The following HHAT variants were observed in gnomAD, a reference collection of about 807,000 sequenced individuals.
HHAT encodes hedgehog acyltransferase.
In HHAT, 47 loss-of-function variants were observed where a neutral mutation model predicts 70.8. The ratio of observed to expected loss-of-function variants is 0.66; its 90% CI spans 0.53 to 0.85. The LOEUF (loss-of-function observed/expected upper bound fraction) is 0.85, where lower values mean the gene tolerates loss of function less well. Ranked by LOEUF, HHAT falls within the 40% of genes least tolerant of loss-of-function variation. The pLI is 0.00. For missense variants in HHAT, 609 were observed against 604.8 expected, an observed-to-expected ratio of 1.01 and a Z score of -0.07; for synonymous variants, 228 against 247.6, an observed-to-expected ratio of 0.92 and a Z score of 0.74.
chr1:210,512,918 C>T (rs2094984668), intron 8 of HHAT, among the ~76,000 whole-genome samples: 1 of 152,020 alleles, frequency 6.6e-6, no homozygotes, highest in African/African-American at 2.4e-5. Context: ...AGTTTAATTG[C>T]CGGGCTCCTT....
rs369880562 is a variant in HHAT, at chr1:210,461,113, A to C, written c.857-3392A>C. ...AATATTTTTGAGCATAACAAAAGCT[A>C]GTTCAATTTGTCACATAACTTGCAA... On this transcript the variant is annotated intron_variant, in intron 7 of 11. Coordinates refer to ENST00000261458, the MANE Select transcript of HHAT (RefSeq NM_018194.6). 8.5e-5 allele frequency among the ~76,000 whole-genome samples: 13 copies of C among 152,366 alleles called. No individual in the cohort carries two copies. The East Asian group carries it at 1.7e-3, about 20-fold the overall frequency.
intron 11 of HHAT, among the ~76,000 whole-genome samples, chr1:210,632,001 C>G (rs761450054): frequency 1.3e-5 from 2 of 152,202 alleles, no homozygotes; most frequent in Non-Finnish European, 2.9e-5. Flanking sequence ...GTCAGAGCTT[C>G]CAGCTGACAC....
At chr1:210,341,698 A>C (rs2086053840) in intron 1 of HHAT, among the ~76,000 whole-genome samples, 1 of 152,358 alleles carries the variant, frequency 6.6e-6, no homozygotes, top group African/African-American at 2.4e-5. Context: ...TGCAAATGCA[A>C]GTGGCTCCAG....
intron 10 of HHAT, among the ~76,000 whole-genome samples, chr1:210,616,566 C>T (rs1200398159): frequency 3.3e-5 from 5 of 152,162 alleles, no homozygotes; most frequent in African/African-American, 1.2e-4. Context: ...TAGTGGGATA[C>T]ATGCACGACA....
In HHAT at chr1:210,418,134, C is replaced by G; in HGVS notation, c.685-20C>G. 6.2e-7 allele frequency: 1 copy of G among 1,613,472 alleles called. No homozygotes were observed. Among genetic ancestry groups the G allele is most frequent in the Non-Finnish European group, 8.5e-7 (1 of 1,179,522 alleles). On this transcript the variant is annotated intron_variant, in intron 6 of 11. Transcript: ENST00000261458. ...AGGAATCAAGGCACCATCGAATGAC[C>G]TCTTTTGTTTCCACTTTAGATGCAG...
chr1:210,662,746 C>T (rs116223069), intron 11 of HHAT, among the ~76,000 whole-genome samples: 1,736 of 152,050 alleles, frequency 0.011, 43 homozygotes, highest in African/African-American at 0.04. Context: ...CCACTCCCTG[C>T]ATTTCAGGTG....
intron 3 of HHAT, chr1:210,374,155 T>C (rs1162996318): frequency 6.6e-6 from 1 of 152,220 alleles, no homozygotes; most frequent in Non-Finnish European, 1.5e-5. Flanking sequence ...AAACATGATC[T>C]GCCTCCCCAG....
intron 9 of HHAT, among the ~76,000 whole-genome samples, chr1:210,543,944 T>C (rs2069155): frequency 0.07 from 10,686 of 152,186 alleles, 701 homozygotes; most frequent in East Asian, 0.3. Flanking sequence ...ATAATCTAGA[T>C]AGCTGAAGCA....
At chr1:210,481,801 A>G (rs932177436) in intron 8 of HHAT, among the ~76,000 whole-genome samples, 1 of 152,242 alleles carries the variant, frequency 6.6e-6, no homozygotes, top group Non-Finnish European at 1.5e-5. Flanking sequence ...ATTGAGTGTC[A>G]ATGAATGATC....
At chr1:210,554,471 G>A (rs971986647) in intron 9 of HHAT, among the ~76,000 whole-genome samples, 21 of 152,106 alleles carry the variant, frequency 1.4e-4, no homozygotes, top group African/African-American at 5.1e-4. Context: ...TGAGATTTGG[G>A]TTTGGAGACA....
intron 10 of HHAT, among the ~76,000 whole-genome samples, chr1:210,603,505 C>G (rs1664732390): frequency 6.6e-6 from 1 of 151,966 alleles, no homozygotes; most frequent in Non-Finnish European, 1.5e-5. Flanking sequence ...TCTTTTTCTC[C>G]CCTAAATCCA....
intron 11 of HHAT, among the ~76,000 whole-genome samples, chr1:210,667,471 A>G (rs996371257): frequency 5.9e-5 from 9 of 152,348 alleles, no homozygotes; most frequent in African/African-American, 1.9e-4. Flanking sequence ...AGACATTGCA[A>G]TGCTTAATCT....
intron 8 of HHAT, among the ~76,000 whole-genome samples, chr1:210,501,715 G>A (rs1006002271): frequency 2.0e-5 from 3 of 152,124 alleles, no homozygotes; most frequent in African/African-American, 7.2e-5. Context: ...TGGGAGAACT[G>A]AATCAGAAGT....
At chr1:210,603,096 G>A (rs1206946560) in intron 10 of HHAT, among the ~76,000 whole-genome samples, 1 of 152,206 alleles carries the variant, frequency 6.6e-6, no homozygotes, top group Non-Finnish European at 1.5e-5. Flanking sequence ...ACTGGCCAGT[G>A]CTTGGCCTTC....
chr1:210,366,275 A>T (rs1297764695), intron 3 of HHAT, among the ~76,000 whole-genome samples: 1 of 152,122 alleles, frequency 6.6e-6, no homozygotes, highest in Admixed American at 6.5e-5. Context: ...TACAATGCTT[A>T]TCAGAGTCCC....
chr1:210,356,708 T>A (rs1401127941), intron 2 of HHAT, among the ~76,000 whole-genome samples: 3 of 152,250 alleles, frequency 2.0e-5, no homozygotes, highest in African/African-American at 7.2e-5. Context: ...ACATTCTTCA[T>A]GCAACATGCT....
intron 10 of HHAT, among the ~76,000 whole-genome samples, chr1:210,622,328 A>C (rs909304819): frequency 9.9e-5 from 15 of 152,082 alleles, no homozygotes; most frequent in Non-Finnish European, 1.8e-4. Context: ...GATTAGGCGG[A>C]GGTGCTTATC....
chr1:210,644,711 G>T (rs1038170230), intron 11 of HHAT, among the ~76,000 whole-genome samples: 1 of 151,802 alleles, frequency 6.6e-6, no homozygotes, highest in Non-Finnish European at 1.5e-5. Context: ...TGCATAGCAT[G>T]TCTTCTTTTG....
At chr1:210,636,995 CCT>C (rs1389077346) in intron 11 of HHAT, among the ~76,000 whole-genome samples, 1 of 152,164 alleles carries the variant, frequency 6.6e-6, no homozygotes, top group Non-Finnish European at 1.5e-5. Context: ...AGGGACCTAA[CCT>C]CTCTACTACT....
Sources: gnomAD v4.1 joint callset for allele counts (sites outside exome capture counted in the v4.1 genomes callset) on GRCh38, gnomAD v4.1.1 for gene constraint, MANE v1.5 for transcripts, NCBI Gene and HGNC (gene_info 2026-07-23, HGNC 2026-07-21) for gene names.